Variants in RBFOX1 observed in about 807,000 individuals in gnomAD.
The protein encoded by RBFOX1 is RNA binding fox-1 homolog 1, also known as RNA binding protein fox-1 homolog 1.
In RBFOX1, 8 loss-of-function variants were observed where a neutral mutation model predicts 57.7. That is an observed-to-expected ratio of 0.14 (90% confidence interval 0.08 to 0.25). RBFOX1 has a LOEUF of 0.25. RBFOX1 is among the 10% of genes least tolerant of loss of function. The probability of loss-of-function intolerance (pLI) is 1.00; values close to 1 mark genes in which losing one functional copy is unlikely to be tolerated. For missense variants in RBFOX1, 611 were observed against 548.5 expected, an observed-to-expected ratio of 1.11 and a Z score of -1.14; for synonymous variants, 326 against 222.4, an observed-to-expected ratio of 1.47 and a Z score of -4.15.
rs530567448 is a variant in RBFOX1, at chr16:6,496,989, TAAGTA to T, written c.-63-157613_-63-157609del. Among the ~76,000 whole-genome samples, 64 of 152,064 alleles carry T rather than the reference TAAGTA, an allele frequency of 4.2e-4. 1 individual carries two copies. Among genetic ancestry groups the T allele is most frequent in the Non-Finnish European group, 8.2e-4 (56 of 68,010 alleles). On this transcript the variant is annotated intron_variant, in intron 2 of 15. Coordinates refer to ENST00000550418, the MANE Select transcript of RBFOX1 (RefSeq NM_018723.4). Reference sequence around the variant, plus strand: ...AAAAAAAGACAAAAAGAAAATGCACTAAGTATAGTATCTGCCAAGTACTACGAGAG... The same window carrying T: ...AAAAAAAGACAAAAAGAAAATGCACTTAGTATCTGCCAAGTACTACGAGAG...
At chr16:5,368,574 C>G (rs933810633) in intron 1 of RBFOX1, among the ~76,000 whole-genome samples, 2 of 152,156 alleles carry the variant, frequency 1.3e-5, no homozygotes, top group African/African-American at 2.4e-5. Flanking sequence ...GCTTTTATTT[C>G]CAATGATTTA....
chr16:7,460,108 T>C (rs977167690), intron 4 of RBFOX1, among the ~76,000 whole-genome samples: 13 of 151,958 alleles, frequency 8.6e-5, no homozygotes, highest in Non-Finnish European at 1.8e-4. Flanking sequence ...ATCATTAAGG[T>C]TTCAGGTTTT....
intron 1 of RBFOX1, among the ~76,000 whole-genome samples, chr16:5,380,062 A>G (rs1366791029): frequency 6.6e-6 from 1 of 152,154 alleles, no homozygotes; most frequent in Non-Finnish European, 1.5e-5. Flanking sequence ...CCGGTGACTA[A>G]GGATGTGCTT....
intron 2 of RBFOX1, among the ~76,000 whole-genome samples, chr16:6,474,294 A>G (rs1616706): frequency 0.69 from 104,270 of 151,412 alleles, 36,042 homozygotes; most frequent in East Asian, 0.8. Flanking sequence ...AGCGGACGTG[A>G]CATCTGTTTT....
intron 4 of RBFOX1, among the ~76,000 whole-genome samples, chr16:7,264,626 T>C (rs1197152809): frequency 1.3e-5 from 2 of 152,230 alleles, no homozygotes; most frequent in Non-Finnish European, 2.9e-5. Context: ...TAAAATTTGA[T>C]TTATGGACAC....
intron 5 of RBFOX1, among the ~76,000 whole-genome samples, chr16:7,560,293 C>T (rs1057080813): frequency 6.6e-5 from 10 of 152,324 alleles, no homozygotes; most frequent in Admixed American, 2.6e-4. Context: ...ATCTCTGATC[C>T]TTGCATTTTT....
chr16:5,258,180 C>G (rs2062637377), intron 1 of RBFOX1, among the ~76,000 whole-genome samples: 1 of 152,178 alleles, frequency 6.6e-6, no homozygotes, highest in African/African-American at 2.4e-5. Flanking sequence ...CTGTGCCTGG[C>G]CAAGGTTTTT....
At chr16:6,623,464 T>C (rs2098262903) in intron 2 of RBFOX1, among the ~76,000 whole-genome samples, 1 of 151,484 alleles carries the variant, frequency 6.6e-6, no homozygotes, top group African/African-American at 2.4e-5. Context: ...TTTATTATAC[T>C]TTAAGTTTTA....
chr16:5,763,629 C>A lies in RBFOX1; in HGVS notation c.319-103674C>A, dbSNP rs184687777. The stretch of plus-strand genomic sequence containing the variant: ...AGGCAATCCGCCGGCCTCCTGAAGT[C>A]AGCACAAATCTGAAAACACTCACTC... On this transcript the variant is annotated intron_variant, in intron 3 of 19. Coordinates refer to the RBFOX1 transcript ENST00000641259. Among the ~76,000 whole-genome samples the A allele has an allele frequency of 1.1e-4, 17 of 152,352 alleles. No homozygotes were observed. In the East Asian group the frequency reaches 3.1e-3, roughly 28 times the overall value.
intron 3 of RBFOX1, among the ~76,000 whole-genome samples, chr16:6,905,270 A>T (rs887202954): frequency 6.6e-6 from 1 of 151,990 alleles, no homozygotes; most frequent in Non-Finnish European, 1.5e-5. Flanking sequence ...AAAAAAAAGA[A>T]TGGCTGGCCT....
At chr16:5,920,600 T>A (rs549517693) in intron 4 of RBFOX1, among the ~76,000 whole-genome samples, 2 of 152,254 alleles carry the variant, frequency 1.3e-5, no homozygotes, top group East Asian at 3.9e-4. Flanking sequence ...AGCTCTGTAC[T>A]GGGCAGAGGA....
intron 3 of RBFOX1, among the ~76,000 whole-genome samples, chr16:6,945,869 T>G (rs1217583111): frequency 6.6e-6 from 1 of 152,140 alleles, no homozygotes; most frequent in African/African-American, 2.4e-5. Flanking sequence ...CCCCACTGGG[T>G]GACAGAGCAA....
chr16:6,512,904 G>A (rs1253944000), intron 2 of RBFOX1, among the ~76,000 whole-genome samples: 3 of 152,184 alleles, frequency 2.0e-5, no homozygotes, highest in Non-Finnish European at 2.9e-5. Flanking sequence ...TAGAGAGAAT[G>A]TCAACTCTGC....
chr16:5,641,113 C>T (rs75807499), intron 3 of RBFOX1, among the ~76,000 whole-genome samples: 7,186 of 151,444 alleles, frequency 0.047, 547 homozygotes, highest in African/African-American at 0.16. Flanking sequence ...CATGCATACA[C>T]ACACATGCAT....
chr16:6,920,312 A>C (rs928779996), intron 3 of RBFOX1, among the ~76,000 whole-genome samples: 1 of 152,200 alleles, frequency 6.6e-6, no homozygotes, highest in Non-Finnish European at 1.5e-5. Context: ...TGCTGGATCA[A>C]ACGGTAGTTC....
At chr16:5,792,872 G>T (rs563937899) in intron 3 of RBFOX1, among the ~76,000 whole-genome samples, 3 of 152,096 alleles carry the variant, frequency 2.0e-5, no homozygotes, top group East Asian at 3.9e-4. Flanking sequence ...ATAAGAAATA[G>T]GTTTACTATT....
At chr16:6,806,810 A>G (rs1327674422) in intron 3 of RBFOX1, among the ~76,000 whole-genome samples, 2 of 78,282 alleles carry the variant, frequency 2.6e-5, no homozygotes, top group African/African-American at 5.2e-5. Context: ...ATATAAATAA[A>G]TATATAAATA....
At chr16:7,109,404 G>A (rs1158163327) in intron 4 of RBFOX1, among the ~76,000 whole-genome samples, 1 of 152,236 alleles carries the variant, frequency 6.6e-6, no homozygotes, top group African/African-American at 2.4e-5. Flanking sequence ...GTTACCAACT[G>A]CCTCTCAGAA....
intron 2 of RBFOX1, among the ~76,000 whole-genome samples, chr16:6,536,966 AG>A (rs2096743822): frequency 6.6e-6 from 1 of 152,184 alleles, no homozygotes; most frequent in South Asian, 2.1e-4. Context: ...TACTAGTCTA[AG>A]GGGATTCCTT....
Sources: allele counts gnomAD v4.1 joint callset (sites outside exome capture counted in the v4.1 genomes callset), GRCh38; gene constraint gnomAD v4.1.1; transcripts MANE v1.5; gene names NCBI Gene and HGNC (gene_info 2026-07-23, HGNC 2026-07-21).